RIT2: variants seen among roughly 807,000 people sequenced by gnomAD.
The protein encoded by RIT2 is GTP-binding protein Rit2.
Under a neutral mutation model 23.7 loss-of-function variants are expected in RIT2, and 24 were observed. That is an observed-to-expected ratio of 1.01 (90% CI 0.73 to 1.43). The LOEUF is 1.43. Ranked by LOEUF, RIT2 falls within the 40% of genes most tolerant of loss-of-function variation. The pLI is 0.00. For missense variants in RIT2, 236 were observed against 266.9 expected, an observed-to-expected ratio of 0.88 and a Z score of 0.81; for synonymous variants, 107 against 91.1, an observed-to-expected ratio of 1.17 and a Z score of -0.99.
intron 1 of RIT2, among the ~76,000 whole-genome samples, chr18:43,041,091 G>A (rs552880385): frequency 3.8e-4 from 58 of 152,066 alleles, no homozygotes; most frequent in African/African-American, 1.1e-3. Flanking sequence ...TATGTGAAGC[G>A]TTTTTTCAGG....
chr18:43,015,243 G>T (rs1000160403), intron 2 of RIT2, among the ~76,000 whole-genome samples: 1 of 151,620 alleles, frequency 6.6e-6, no homozygotes, highest in Non-Finnish European at 1.5e-5. Context: ...AGAATCAATA[G>T]CTCAATGATA....
chr18:43,039,386 T>C (rs1182116503), intron 1 of RIT2, among the ~76,000 whole-genome samples: 1 of 150,742 alleles, frequency 6.6e-6, no homozygotes, highest in Non-Finnish European at 1.5e-5. Flanking sequence ...TTTGCTCCTG[T>C]TGGCCAGGCT....
At chr18:43,065,098 G>T (rs1040059339) in intron 1 of RIT2, among the ~76,000 whole-genome samples, 1 of 151,986 alleles carries the variant, frequency 6.6e-6, no homozygotes, top group Admixed American at 6.6e-5. Flanking sequence ...GATTACAGGG[G>T]TGAGCCACCA....
intron 1 of RIT2, among the ~76,000 whole-genome samples, chr18:43,095,707 T>C (rs1913536248): frequency 6.6e-6 from 1 of 152,004 alleles, no homozygotes; most frequent in African/African-American, 2.4e-5. Context: ...ATCTGCAGTA[T>C]AACTGCACTC....
chr18:43,079,920 C>G (rs76877718), intron 1 of RIT2, among the ~76,000 whole-genome samples: 60 of 152,284 alleles, frequency 3.9e-4, no homozygotes, highest in African/African-American at 1.4e-3. Context: ...TGTCACCTAC[C>G]TGGGTTCTGC....
intron 4 of RIT2, among the ~76,000 whole-genome samples, chr18:42,745,189 A>C (rs1392355963): frequency 6.6e-6 from 1 of 152,180 alleles, no homozygotes; most frequent in Non-Finnish European, 1.5e-5. Flanking sequence ...ATAAAGCCCT[A>C]CCAGATTATC....
intron 4 of RIT2, 60 bp downstream of exon 4, chr18:42,923,512 T>G (rs1598716343): frequency 7.1e-7 from 1 of 1,399,144 alleles, no homozygotes; most frequent in African/African-American, 1.4e-5. Flanking sequence ...AGCAGCCATA[T>G]TTTGTACTAT....
intron 4 of RIT2, among the ~76,000 whole-genome samples, chr18:42,887,568 C>G (rs1338665585): frequency 6.6e-6 from 1 of 152,086 alleles, no homozygotes; most frequent in Non-Finnish European, 1.5e-5. Flanking sequence ...GGGGAGGATG[C>G]AAAATGGTAC....
intron 1 of RIT2, among the ~76,000 whole-genome samples, chr18:43,111,202 A>G (rs1276663841): frequency 6.6e-6 from 1 of 152,198 alleles, no homozygotes; most frequent in Non-Finnish European, 1.5e-5. Context: ...CAGACACAGA[A>G]AGACAAACTT....
At chr18:42,846,577 A>C (rs978807092) in intron 4 of RIT2, among the ~76,000 whole-genome samples, 1 of 152,006 alleles carries the variant, frequency 6.6e-6, no homozygotes, top group African/African-American at 2.4e-5. Flanking sequence ...ATCAATATAT[A>C]AATGAACATT....
At chr18:42,926,190 C>T (rs932428763) in intron 3 of RIT2, among the ~76,000 whole-genome samples, 4 of 151,894 alleles carry the variant, frequency 2.6e-5, no homozygotes, top group African/African-American at 9.6e-5. Flanking sequence ...ATCAACAATA[C>T]TTTTTCCAAC....
chr18:42,946,408 A>G (rs1909727620), intron 3 of RIT2, among the ~76,000 whole-genome samples: 1 of 152,090 alleles, frequency 6.6e-6, no homozygotes. Flanking sequence ...ACAACACAAA[A>G]TTCTCGTGTT....
At chr18:42,898,337 T>C (rs1908386444) in intron 4 of RIT2, among the ~76,000 whole-genome samples, 2 of 152,106 alleles carry the variant, frequency 1.3e-5, no homozygotes. Flanking sequence ...GAGGTTGCAG[T>C]GAGCTGAGAT....
intron 4 of RIT2, among the ~76,000 whole-genome samples, chr18:42,921,524 C>T (rs1909056037): frequency 6.6e-6 from 1 of 152,010 alleles, no homozygotes; most frequent in Non-Finnish European, 1.5e-5. Flanking sequence ...ATAAACATGC[C>T]TTTGTGAGAT....
chr18:42,820,437 T>C (rs977723138), intron 4 of RIT2, among the ~76,000 whole-genome samples: 2 of 152,178 alleles, frequency 1.3e-5, no homozygotes, highest in Non-Finnish European at 2.9e-5. Context: ...CTCTGGTCTC[T>C]GCCCCAGCAG....
In RIT2 at chr18:42,877,313, T is replaced by G. The variant is rs544710295; in HGVS notation, c.426+46259A>C. Among the ~76,000 whole-genome samples, 3 of 151,864 alleles carry G rather than the reference T, an allele frequency of 2.0e-5. No individual in the cohort carries two copies. The East Asian group carries it at 5.8e-4, about 29-fold the overall frequency. ...TTGACCTGAGAGAGATCTTTGTTAT[T>G]TTCAGGTGACTTTAAAATTTTAAAT... On this transcript the variant is annotated intron_variant, in intron 4 of 4. Coordinates refer to ENST00000326695, the MANE Select transcript of RIT2 (RefSeq NM_002930.4).
At chr18:43,001,254 G>A (rs1019311061) in intron 2 of RIT2, among the ~76,000 whole-genome samples, 1 of 151,916 alleles carries the variant, frequency 6.6e-6, no homozygotes, top group Admixed American at 6.6e-5. Flanking sequence ...AGAGGGGAGG[G>A]CCACACAGTG....
intron 4 of RIT2, among the ~76,000 whole-genome samples, chr18:42,887,857 G>T (rs1204806926): frequency 6.6e-6 from 1 of 152,134 alleles, no homozygotes; most frequent in Non-Finnish European, 1.5e-5. Context: ...GTTGTCAGAA[G>T]ACATGGAAGA....
intron 1 of RIT2, among the ~76,000 whole-genome samples, chr18:43,106,490 G>A (rs1416026781): frequency 2.6e-5 from 4 of 151,286 alleles, no homozygotes; most frequent in South Asian, 4.2e-4. Flanking sequence ...ATCTTTATTC[G>A]GCGTTCCATT....
Sources: gnomAD v4.1 joint callset for allele counts (sites outside exome capture counted in the v4.1 genomes callset) on GRCh38, gnomAD v4.1.1 for gene constraint, MANE v1.5 for transcripts, NCBI Gene and HGNC (gene_info 2026-07-23, HGNC 2026-07-21) for gene names.